The following FOXN2 variants were observed in gnomAD, a reference collection of about 807,000 sequenced individuals.
FOXN2 encodes forkhead box protein N2.
FOXN2 carries 19 observed loss-of-function variants against 41.2 expected under a neutral mutation model. The ratio of observed to expected loss-of-function variants is 0.46; its 90% CI spans 0.32 to 0.68. The LOEUF (loss-of-function observed/expected upper bound fraction) is 0.68. Ranked by LOEUF, FOXN2 falls within the 30% of genes least tolerant of loss-of-function variation. The pLI, the probability that FOXN2 is intolerant of heterozygous loss-of-function variation, is 0.03. For missense variants in FOXN2, 587 were observed against 509.4 expected (o/e 1.15, Z -1.47); for synonymous variants, 195 against 176.8 (o/e 1.10, Z -0.82).
chr2:48,374,708 T>C (rs560470645), intron 6 of FOXN2, among the ~76,000 whole-genome samples: 1 of 152,204 alleles, frequency 6.6e-6, no homozygotes, highest in Non-Finnish European at 1.5e-5. Context: ...TTACATATGC[T>C]ATAGAAAAGT....
chr2:48,346,276 T>G lies in FOXN2; in HGVS notation c.62T>G (p.Ile21Ser), dbSNP rs762609943. Residue 21 changes from isoleucine to serine, a missense_variant, in exon 3 of 7, where the codon ATT (isoleucine) becomes AGT (serine). Physicochemically the swap from Ile to Ser is moderately radical, Grantham distance 142 (BLOSUM62 -2). Transcript: ENST00000340553. ...KRAETPGAEKIAGLSQIYKMG... is the reference protein window; with the variant it reads ...KRAETPGAEKSAGLSQIYKMG... ...GCTGAAACCCCAGGAGCTGAAAAGATTGCAGGATTAAGCCAGATTTACAAA... is the reference window on the plus strand; with the variant it reads ...GCTGAAACCCCAGGAGCTGAAAAGAGTGCAGGATTAAGCCAGATTTACAAA... 6.2e-7 allele frequency: 1 copy of G among 1,614,166 alleles called. No homozygotes were observed. Among genetic ancestry groups the G allele is most frequent in the Non-Finnish European group, 8.5e-7 (1 of 1,180,012 alleles).
intron 3 of FOXN2, among the ~76,000 whole-genome samples, chr2:48,348,490 G>C (rs1336307785): frequency 2.6e-5 from 4 of 151,986 alleles, no homozygotes; most frequent in Non-Finnish European, 4.4e-5. Flanking sequence ...TCTGGATCTG[G>C]TTTTGCTGAC....
chr2:48,375,691 A>G lies in FOXN2; in HGVS notation c.*248A>G, dbSNP rs78548295. ...TGATAAATGTGTCCAAGATTTGAAA[A>G]TTTTTATATAAGAAAATCCCCAGCC... On this transcript the variant is annotated 3_prime_UTR_variant, in exon 7 of 7. Coordinates refer to ENST00000340553, the MANE Select transcript of FOXN2 (RefSeq NM_002158.4). 2 of 335,232 alleles carry G rather than the reference A, an allele frequency of 6.0e-6. No individual in the cohort carries two copies. The highest frequency in any genetic ancestry group is 4.2e-5 in the African/African-American group (2 of 47,552). The allele number at this position is 335,232 out of a possible 1,614,324, so 20.8% of individuals were successfully genotyped here.
Position 48,346,425 on chromosome 2 carries a change from A to G in FOXN2, c.211A>G (p.Asn71Asp), listed in dbSNP as rs576498501. Residue 71 changes from asparagine (N) to aspartate (D), a missense_variant, in exon 3 of 7, where the codon AAC becomes GAC. Coordinates refer to ENST00000340553, the MANE Select transcript of FOXN2 (RefSeq NM_002158.4). ...TCATGAAAGCACTAATCTTCTAACAAACTTCAGCCTCGGAAGTGAGGGTCT... is the reference window on the plus strand; with the variant it reads ...TCATGAAAGCACTAATCTTCTAACAGACTTCAGCCTCGGAAGTGAGGGTCT... ...WLHESTNLLT[N>D]FSLGSEGLPI... The G allele has an allele frequency of 1.2e-6, 2 of 1,614,166 alleles. No homozygotes were observed. The highest frequency in any genetic ancestry group is 1.7e-5 in the Admixed American group (1 of 60,008).
chr2:48,344,850 C>A lies in FOXN2; in HGVS notation c.-14-1351C>A, dbSNP rs1004100487. 7.1e-3 allele frequency among the ~76,000 whole-genome samples: 1,048 copies of A among 147,790 alleles called. 22 individuals are homozygous for A. The highest frequency in any genetic ancestry group is 9.6e-3 in the Admixed American group (141 of 14,692). The stretch of plus-strand genomic sequence containing the variant: ...ACAAACTCTGGAGGTACCCCCCCCC[C>A]CCAATTATTTCAGTTACACAAGCAT... On this transcript the variant is annotated intron_variant, in intron 2 of 6. Transcript: ENST00000340553.
At chr2:48,321,521 G>A (rs1403338690) in intron 1 of FOXN2, among the ~76,000 whole-genome samples, 5 of 152,072 alleles carry the variant, frequency 3.3e-5, no homozygotes, top group South Asian at 2.1e-4. Flanking sequence ...GGGCGACAGA[G>A]CAACACTCCA....
chr2:48,346,559 C>G lies in FOXN2; in HGVS notation c.345C>G (p.Tyr115Ter), dbSNP rs771814669. The change falls in exon 3 of 7, where the codon TAC becomes TAG. Residue 115 changes from tyrosine (Y) to a stop codon, truncating the protein, a stop_gained. Transcript: ENST00000340553. LOFTEE classifies it high-confidence loss of function. The part of the protein sequence containing the change: ...EKKSATSKPP[Y>*]SFSLLIYMAI... ...AATCAGCGACTTCAAAGCCCCCATA[C>G]TCCTTTAGTCTTCTCATTTATATGG... The G allele has an allele frequency of 6.2e-7, 1 of 1,613,406 alleles. No homozygotes were observed. Among genetic ancestry groups the G allele is most frequent in the East Asian group, 2.2e-5 (1 of 44,890 alleles).
chr2:48,359,296 TTTTTG>T (rs1225011217), intron 4 of FOXN2, 149 bp downstream of exon 4: 14 of 628,822 alleles, frequency 2.2e-5, no homozygotes, highest in African/African-American at 7.5e-5. Flanking sequence ...TTAGTTTTTG[TTTTTG>T]TTTTGTTTTG....
At chr2:48,329,744 A>G (rs1219149863) in intron 2 of FOXN2, among the ~76,000 whole-genome samples, 1 of 152,176 alleles carries the variant, frequency 6.6e-6, no homozygotes, top group Admixed American at 6.6e-5. Flanking sequence ...TTTTATGGGG[A>G]TAGACATTAT....
chr2:48,367,512 A>G (rs747898205), intron 5 of FOXN2, among the ~76,000 whole-genome samples: 2 of 152,208 alleles, frequency 1.3e-5, no homozygotes, highest in Non-Finnish European at 2.9e-5. Context: ...AATTTATTGA[A>G]ACTATTCTTC....
intron 1 of FOXN2, among the ~76,000 whole-genome samples, chr2:48,319,897 G>T (rs887131286): frequency 2.7e-5 from 4 of 147,636 alleles, no homozygotes; most frequent in Non-Finnish European, 5.9e-5. Flanking sequence ...CTCCCAAAGC[G>T]CTGGGATTTT....
chr2:48,330,584 A>G (rs1367105926), intron 2 of FOXN2, among the ~76,000 whole-genome samples: 1 of 152,100 alleles, frequency 6.6e-6, no homozygotes, highest in Non-Finnish European at 1.5e-5. Context: ...TGATTGGATA[A>G]GAAAGCCACA....
intron 2 of FOXN2, among the ~76,000 whole-genome samples, chr2:48,343,130 A>G (rs1670881542): frequency 6.6e-6 from 1 of 152,198 alleles, no homozygotes; most frequent in Admixed American, 6.5e-5. Flanking sequence ...GAGTGACTCT[A>G]ATGGCCAGAA....
intron 5 of FOXN2, among the ~76,000 whole-genome samples, chr2:48,363,579 C>T (rs931338798): frequency 6.6e-6 from 1 of 152,206 alleles, no homozygotes; most frequent in Non-Finnish European, 1.5e-5. Context: ...TCCGGTCCTT[C>T]AAGCTTCATT....
chr2:48,322,377 C>T (rs943574227), intron 1 of FOXN2, among the ~76,000 whole-genome samples: 5 of 152,122 alleles, frequency 3.3e-5, no homozygotes, highest in African/African-American at 1.2e-4. Context: ...AGGCTAGCAC[C>T]TGTGTAACCC....
At chr2:48,348,808 A>C (rs372737038) in intron 3 of FOXN2, among the ~76,000 whole-genome samples, 2 of 152,236 alleles carry the variant, frequency 1.3e-5, no homozygotes, top group Non-Finnish European at 2.9e-5. Flanking sequence ...TTGTCTCAGC[A>C]TTACTGCTAC....
rs368224826 is a variant in FOXN2, at chr2:48,337,291, C to CTT, written c.-15+8604_-15+8605dup. On this transcript the variant is annotated intron_variant, in intron 2 of 6. Coordinates refer to ENST00000340553, the MANE Select transcript of FOXN2 (RefSeq NM_002158.4). ...CATGTTGTTGCATATGATTGGATCTCTTTTTTTTTTTTTTTTAAAGTGAGA... is the reference window on the plus strand; with the variant it reads ...CATGTTGTTGCATATGATTGGATCTCTTTTTTTTTTTTTTTTTTAAAGTGAGA... 2.4e-3 allele frequency among the ~76,000 whole-genome samples: 342 copies of CTT among 140,570 alleles called. 3 individuals carry two copies. The highest frequency in any genetic ancestry group is 6.6e-3 in the African/African-American group (250 of 38,110). 92.2% of individuals were successfully genotyped at this position (140,570 alleles called of 152,430 possible). A position where few individuals can be genotyped will look rare whatever the true frequency, so the allele number is the denominator to read the frequency against.
intron 5 of FOXN2, among the ~76,000 whole-genome samples, chr2:48,368,111 G>T (rs1233597363): frequency 6.6e-6 from 1 of 152,106 alleles, no homozygotes; most frequent in Non-Finnish European, 1.5e-5. Flanking sequence ...CAAAGTGCTG[G>T]GATTACAGGT....
In FOXN2 at chr2:48,376,312, ATCTT is replaced by A. The variant is rs1673243690; in HGVS notation, c.*872_*875del. On this transcript the variant is annotated 3_prime_UTR_variant, in exon 7 of 7. Transcript: ENST00000340553. The stretch of plus-strand genomic sequence containing the variant: ...ATTTTGACACACTTGTAATAAGAGA[ATCTT>A]TCATTTGCCTGCCATGTGTACTGTA... 1 of 152,092 alleles carries A rather than the reference ATCTT, an allele frequency of 6.6e-6. No homozygotes were observed. Among genetic ancestry groups the A allele is most frequent in the African/African-American group, 2.4e-5 (1 of 41,432 alleles). 9.4% of individuals were successfully genotyped at this position (152,092 alleles called of 1,614,324 possible).
Sources: gnomAD v4.1 joint callset for allele counts (sites outside exome capture counted in the v4.1 genomes callset) on GRCh38, gnomAD v4.1.1 for gene constraint, MANE v1.5 for transcripts, NCBI Gene and HGNC (gene_info 2026-07-23, HGNC 2026-07-21) for gene names.